Variants in MDGA2 observed in about 807,000 individuals in gnomAD.
MDGA2 encodes the protein MAM domain-containing glycosylphosphatidylinositol anchor protein 2.
MDGA2 carries 40 observed loss-of-function variants against 117.8 expected under a neutral mutation model. The ratio of observed to expected loss-of-function variants is 0.34; its 90% CI spans 0.26 to 0.44. The LOEUF (loss-of-function observed/expected upper bound fraction) is 0.44. MDGA2 is among the 20% of genes least tolerant of loss of function. MDGA2 has a pLI of 1.00. For missense variants in MDGA2, 1,123 were observed against 1,250.6 expected, an observed-to-expected ratio of 0.90 and a Z score of 1.54; for synonymous variants, 452 against 439.0, an observed-to-expected ratio of 1.03 and a Z score of -0.37.
chr14:46,864,631 C>T (rs993341390), intron 14 of MDGA2, among the ~76,000 whole-genome samples: 1 of 120,914 alleles, frequency 8.3e-6, no homozygotes, highest in African/African-American at 3.1e-5. Flanking sequence ...AAGCAGTTTA[C>T]TGAATGAATG....
intron 8 of MDGA2, among the ~76,000 whole-genome samples, chr14:47,006,207 T>C (rs1033935702): frequency 4.0e-5 from 6 of 151,242 alleles, no homozygotes; most frequent in Non-Finnish European, 5.9e-5. Context: ...AGGACTATTA[T>C]GGTCAGTTAA....
chr14:47,399,653 A>G (rs1425958738), intron 1 of MDGA2, among the ~76,000 whole-genome samples: 3 of 121,250 alleles, frequency 2.5e-5, no homozygotes, highest in African/African-American at 8.4e-5. Flanking sequence ...AAATGCGTAT[A>G]AGAATAAAGT....
chr14:47,662,733 C>T (rs984739702), intron 1 of MDGA2, among the ~76,000 whole-genome samples: 5 of 152,076 alleles, frequency 3.3e-5, no homozygotes, highest in East Asian at 3.9e-4. Flanking sequence ...TTATTTCAGG[C>T]TGCAGTCCAC....
At chr14:47,399,886 A>G (rs769046497) in intron 1 of MDGA2, among the ~76,000 whole-genome samples, 10 of 152,190 alleles carry the variant, frequency 6.6e-5, no homozygotes, top group Admixed American at 1.3e-4. Context: ...CAGAGAAGGT[A>G]TCTGTAAAGA....
At chr14:46,864,427 T>C (rs1881641804) in intron 14 of MDGA2, among the ~76,000 whole-genome samples, 2 of 151,478 alleles carry the variant, frequency 1.3e-5, no homozygotes, top group Admixed American at 6.6e-5. Flanking sequence ...TACATTTTAG[T>C]TCCTATAAGT....
intron 3 of MDGA2, among the ~76,000 whole-genome samples, chr14:47,188,861 C>T (rs909505125): frequency 2.0e-5 from 3 of 152,132 alleles, no homozygotes; most frequent in African/African-American, 7.2e-5. Flanking sequence ...TTCCAACATG[C>T]TGGAGAATGA....
At chr14:47,392,395 GTTTGACCCACATAAAAAT>G (rs1891916368) in intron 1 of MDGA2, among the ~76,000 whole-genome samples, 2 of 151,960 alleles carry the variant, frequency 1.3e-5, no homozygotes, top group East Asian at 1.9e-4. Flanking sequence ...ACATAAAAAT[GTTTGACCCACATAAAAAT>G]TTTGACCCAC....
rs1383102136 is a variant in MDGA2 at position 46,959,279 on chromosome 14, G to A, written c.1820-1636C>T. On this transcript the variant is annotated intron_variant, in intron 8 of 16. Transcript: ENST00000399232. ...TGTGTGTGTGTGTGTGTGTGTGTGT[G>A]TGTGTGTGTGTGTGTGTGTGTGTGG... Among the ~76,000 whole-genome samples, 389 of 144,726 alleles carry A rather than the reference G, an allele frequency of 2.7e-3. 4 individuals carry two copies. Among genetic ancestry groups the A allele is most frequent in the African/African-American group, 1.0e-2 (367 of 36,768 alleles). The allele number at this position is 144,726 out of a possible 152,430, so 94.9% of individuals were successfully genotyped here. A position where few individuals can be genotyped will look rare whatever the true frequency, so the allele number is the denominator to read the frequency against.
intron 6 of MDGA2, among the ~76,000 whole-genome samples, chr14:47,065,569 T>C (rs1435042725): frequency 6.6e-6 from 1 of 152,196 alleles, no homozygotes; most frequent in African/African-American, 2.4e-5. Flanking sequence ...GGCTGTGAGA[T>C]TGTATCTTGA....
chr14:47,403,666 A>G (rs1892202049), intron 1 of MDGA2, among the ~76,000 whole-genome samples: 1 of 152,048 alleles, frequency 6.6e-6, no homozygotes, highest in South Asian at 2.1e-4. Context: ...CATCACCATC[A>G]CCAGTTCAAA....
chr14:46,892,216 G>A (rs1226534307), intron 10 of MDGA2, among the ~76,000 whole-genome samples: 1 of 151,692 alleles, frequency 6.6e-6, no homozygotes, highest in African/African-American at 2.4e-5. Flanking sequence ...TTAAGCATAT[G>A]CAGTCAACAA....
intron 3 of MDGA2, among the ~76,000 whole-genome samples, chr14:47,174,332 C>T (rs922521414): frequency 6.6e-6 from 1 of 152,136 alleles, no homozygotes; most frequent in Admixed American, 6.5e-5. Context: ...CACCCCAAAT[C>T]AACAGAATAT....
intron 2 of MDGA2, among the ~76,000 whole-genome samples, chr14:47,256,119 C>A (rs1180330287): frequency 1.4e-5 from 2 of 146,084 alleles, no homozygotes; most frequent in African/African-American, 5.1e-5. Flanking sequence ...TTTTCTGAAG[C>A]CCTGATCTTA....
intron 1 of MDGA2, among the ~76,000 whole-genome samples, chr14:47,335,274 A>G (rs1890406587): frequency 7.0e-6 from 1 of 142,848 alleles, no homozygotes; most frequent in Non-Finnish European, 1.5e-5. Flanking sequence ...GAAAAAAAAA[A>G]AGTATATGGT....
At chr14:47,186,928 T>C (rs1884933617) in intron 3 of MDGA2, among the ~76,000 whole-genome samples, 1 of 152,006 alleles carries the variant, frequency 6.6e-6, no homozygotes, top group Non-Finnish European at 1.5e-5. Flanking sequence ...TTTATAATCA[T>C]TTGTTTTATC....
At position 47,440,534 on chromosome 14, in the gene MDGA2, C is replaced by T. The variant is rs1892986212; in HGVS notation, c.281-138984G>A. On this transcript the variant is annotated intron_variant, in intron 1 of 16. Transcript: ENST00000399232. ...ACCTAGGATTGGCAAAACTGAGAAT[C>T]ACTGGGCAATTTTATATAAACGCTT... 2.6e-5 allele frequency among the ~76,000 whole-genome samples: 4 copies of T among 152,082 alleles called. No homozygotes were observed. In the South Asian group the frequency reaches 8.3e-4, roughly 31 times the overall value.
chr14:47,365,123 G>A (rs538015720), intron 1 of MDGA2, among the ~76,000 whole-genome samples: 31 of 152,280 alleles, frequency 2.0e-4, no homozygotes, highest in African/African-American at 2.6e-4. Context: ...TTGCCCAAGC[G>A]TATTATCATA....
rs554739386 is a variant in MDGA2 at position 46,951,086 on chromosome 14, T to C, written c.2089+6288A>G. On this transcript the variant is annotated intron_variant, in intron 9 of 16. Transcript: ENST00000399232. ...TAGTTCCAATATGTCAATATGAATATTGTAATATGCCAAAAGGAAAATACA... is the reference window on the plus strand; with the variant it reads ...TAGTTCCAATATGTCAATATGAATACTGTAATATGCCAAAAGGAAAATACA... Among the ~76,000 whole-genome samples, 15 of 152,044 alleles carry C rather than the reference T, an allele frequency of 9.9e-5. No individual in the cohort carries two copies. The South Asian group carries it at 3.1e-3, about 31-fold the overall frequency.
intron 1 of MDGA2, among the ~76,000 whole-genome samples, chr14:47,585,937 T>C (rs979830797): frequency 1.9e-4 from 29 of 151,854 alleles, no homozygotes; most frequent in Non-Finnish European, 4.0e-4. Flanking sequence ...GGAAGGCCTC[T>C]GACTGGTCAG....
Sources: allele counts gnomAD v4.1 joint callset (sites outside exome capture counted in the v4.1 genomes callset), GRCh38; gene constraint gnomAD v4.1.1; transcripts MANE v1.5; gene names NCBI Gene and HGNC (gene_info 2026-07-23, HGNC 2026-07-21).